Variants in RALYL observed in about 807,000 individuals in gnomAD.
RALYL encodes the protein RALY RNA binding protein like.
In RALYL, 29 loss-of-function variants were observed where a neutral mutation model predicts 35.1. That is an observed-to-expected ratio of 0.83 (90% confidence interval 0.61 to 1.13). The LOEUF is 1.13. Ranked by LOEUF, RALYL falls within the 50% of genes most tolerant of loss-of-function variation. RALYL has a pLI of 0.00. For missense variants in RALYL, 359 were observed against 360.4 expected, an observed-to-expected ratio of 1.00 and a Z score of 0.03; for synonymous variants, 120 against 127.6, an observed-to-expected ratio of 0.94 and a Z score of 0.40.
chr8:84,265,313 T>C (rs117479889), intron 1 of RALYL, among the ~76,000 whole-genome samples: 103 of 152,320 alleles, frequency 6.8e-4, no homozygotes, highest in Non-Finnish European at 1.3e-3. Context: ...GAGTCCTTAA[T>C]GTAGATAATC....
chr8:84,360,271 C>T (rs746436521), intron 1 of RALYL, among the ~76,000 whole-genome samples: 8 of 152,080 alleles, frequency 5.3e-5, no homozygotes, highest in Non-Finnish European at 1.0e-4. Context: ...ATTTTGAAAC[C>T]CCAGACCTTT....
intron 2 of RALYL, among the ~76,000 whole-genome samples, chr8:84,640,573 T>C (rs1040922139): frequency 6.6e-6 from 1 of 151,862 alleles, no homozygotes; most frequent in African/African-American, 2.4e-5. Context: ...GATGACAAAA[T>C]CAGGTTATAC....
chr8:84,194,039 T>C (rs893436334), intron 1 of RALYL, among the ~76,000 whole-genome samples: 2 of 152,204 alleles, frequency 1.3e-5, no homozygotes, highest in African/African-American at 4.8e-5. Context: ...ATGAGAGTAG[T>C]GCAAGGATGG....
At chr8:84,596,845 C>T (rs963808702) in intron 2 of RALYL, among the ~76,000 whole-genome samples, 1 of 152,010 alleles carries the variant, frequency 6.6e-6, no homozygotes, top group Non-Finnish European at 1.5e-5. Flanking sequence ...TAACTTCTTT[C>T]CTTCTATCCT....
chr8:84,567,054 T>A (rs563117598), intron 2 of RALYL, among the ~76,000 whole-genome samples: 1 of 151,926 alleles, frequency 6.6e-6, no homozygotes, highest in South Asian at 2.1e-4. Context: ...ATTAAAGTTA[T>A]CAGCCTAAGA....
At chr8:84,572,435 C>G (rs1234541478) in intron 2 of RALYL, among the ~76,000 whole-genome samples, 1 of 151,580 alleles carries the variant, frequency 6.6e-6, no homozygotes, top group East Asian at 1.9e-4. Flanking sequence ...GAGTATTATC[C>G]ATCCATTTCC....
At chr8:84,581,449 G>A (rs138277636) in intron 2 of RALYL, among the ~76,000 whole-genome samples, 322 of 152,244 alleles carry the variant, frequency 2.1e-3, no homozygotes, top group Non-Finnish European at 3.3e-3. Context: ...CCCAGAGCCT[G>A]ATATAATGCC....
At chr8:84,919,581 A>G (rs1253190650) in intron 8 of RALYL, among the ~76,000 whole-genome samples, 2 of 152,040 alleles carry the variant, frequency 1.3e-5, no homozygotes, top group Non-Finnish European at 2.9e-5. Flanking sequence ...AAATTCATAT[A>G]TATGTGATCA....
chr8:84,342,001 G>T (rs79009144), intron 1 of RALYL, among the ~76,000 whole-genome samples: 4,434 of 151,624 alleles, frequency 0.029, 112 homozygotes, highest in Non-Finnish European at 0.034. Context: ...CCATAGTAAA[G>T]ATTAGATGCA....
intron 1 of RALYL, among the ~76,000 whole-genome samples, chr8:84,443,171 T>G (rs1324201189): frequency 6.6e-6 from 1 of 152,134 alleles, no homozygotes; most frequent in Non-Finnish European, 1.5e-5. Context: ...GAAGAGGAAC[T>G]CATATTCAGA....
At chr8:84,468,763 C>T (rs1298666805) in intron 1 of RALYL, among the ~76,000 whole-genome samples, 6 of 151,898 alleles carry the variant, frequency 4.0e-5, no homozygotes, top group Admixed American at 3.9e-4. Flanking sequence ...CCATTCTCCC[C>T]ATCACTTTCA....
chr8:84,408,676 A>G (rs2043799422), intron 1 of RALYL, among the ~76,000 whole-genome samples: 1 of 152,150 alleles, frequency 6.6e-6, no homozygotes, highest in South Asian at 2.1e-4. Context: ...TGCATGGAGG[A>G]GACAACCATG....
chr8:84,642,645 C>A (rs1826615407), intron 2 of RALYL, among the ~76,000 whole-genome samples: 1 of 152,024 alleles, frequency 6.6e-6, no homozygotes, highest in Admixed American at 6.6e-5. Flanking sequence ...ATGTAACCAG[C>A]TGGAGTCTTA....
At chr8:84,335,589 G>A (rs1296442430) in intron 1 of RALYL, among the ~76,000 whole-genome samples, 2 of 151,646 alleles carry the variant, frequency 1.3e-5, no homozygotes, top group South Asian at 2.1e-4. Context: ...CTGATTGGAG[G>A]GGAAGGAAAG....
Position 84,675,750 on chromosome 8 carries a change from A to G in RALYL, c.257-98829A>G, listed in dbSNP as rs374836497. On this transcript the variant is annotated intron_variant, in intron 2 of 8. Coordinates refer to ENST00000521268, the MANE Select transcript of RALYL (RefSeq NM_173848.7). Reference sequence around the variant, plus strand: ...CTGTAGATATTCTCCTTGGCGTTTCACCATAGTCCATAGACGTTAGATCGT... The same window carrying G: ...CTGTAGATATTCTCCTTGGCGTTTCGCCATAGTCCATAGACGTTAGATCGT... Among the ~76,000 whole-genome samples, 11 of 152,100 alleles carry G rather than the reference A, an allele frequency of 7.2e-5. No individual in the cohort carries two copies. In the South Asian group the frequency reaches 1.2e-3, roughly 17 times the overall value.
intron 8 of RALYL, among the ~76,000 whole-genome samples, chr8:84,915,561 C>G (rs1227688999): frequency 6.6e-6 from 1 of 152,066 alleles, no homozygotes; most frequent in East Asian, 1.9e-4. Flanking sequence ...ATAGAGCAAG[C>G]TGCCTTAAGA....
At position 84,419,922 on chromosome 8, in the gene RALYL, C is replaced by T. The variant is rs1332915924; in HGVS notation, c.-23-109377C>T. Among the ~76,000 whole-genome samples, 11 of 151,702 alleles carry T rather than the reference C, an allele frequency of 7.3e-5. 1 individual carries two copies. The South Asian group carries it at 2.1e-3, about 29-fold the overall frequency. ...AGTATTCCATGTTGTATATGTGCCA[C>T]ATTTTCTTAATCCAGTCTATCATTG... is the stretch of plus-strand genomic sequence containing the variant. On this transcript the variant is annotated intron_variant, in intron 1 of 8. Coordinates refer to ENST00000521268, the MANE Select transcript of RALYL (RefSeq NM_173848.7).
intron 1 of RALYL, among the ~76,000 whole-genome samples, chr8:84,271,210 G>C (rs909214948): frequency 2.1e-5 from 3 of 143,724 alleles, no homozygotes; most frequent in African/African-American, 7.6e-5. Flanking sequence ...AATACAAAAA[G>C]ACAACACAAT....
chr8:84,365,096 A>G (rs1853943615), intron 1 of RALYL, among the ~76,000 whole-genome samples: 1 of 152,166 alleles, frequency 6.6e-6, no homozygotes, highest in Admixed American at 6.6e-5. Context: ...TAAATGAGCA[A>G]ATCAATGAAT....
Sources: gnomAD v4.1 joint callset for allele counts (sites outside exome capture counted in the v4.1 genomes callset) on GRCh38, gnomAD v4.1.1 for gene constraint, MANE v1.5 for transcripts, NCBI Gene and HGNC (gene_info 2026-07-23, HGNC 2026-07-21) for gene names.